MYO7B: variants seen among roughly 807,000 people sequenced by gnomAD.
The protein encoded by MYO7B is unconventional myosin-VIIb.
A neutral mutation model predicts 259.7 loss-of-function variants in MYO7B; 212 were observed. That is an observed-to-expected ratio of 0.82 (90% CI 0.73 to 0.91). The LOEUF (loss-of-function observed/expected upper bound fraction) is 0.91. MYO7B is among the 40% of genes least tolerant of loss of function. The pLI is 0.00. For synonymous variants in MYO7B, 1,197 were observed against 1,166.4 expected (o/e 1.03, Z -0.54); for missense variants, 2,732 against 2,813.5 (o/e 0.97, Z 0.66).
intron 1 of MYO7B, among the ~76,000 whole-genome samples, chr2:127,557,731 C>T (rs926975760): frequency 2.0e-4 from 30 of 152,038 alleles, no homozygotes; most frequent in African/African-American, 5.3e-4. Flanking sequence ...CAAACAAAAA[C>T]GTAAAGTGGG....
rs766520693 is a variant in MYO7B, at chr2:127,613,592, G to A, written c.3398+989G>A. On this transcript the variant is annotated intron_variant, in intron 26 of 47. Transcript: ENST00000409816. The surrounding 1 kb of genome is among the most constrained non-coding windows in gnomAD (Gnocchi z 4.3). ...AACTGTCTTTTCTCTTGAGGATGGT[G>A]GTGTGTTTGTTTGCTCATATATCTG... Among the ~76,000 whole-genome samples, 1 of 152,130 alleles carries A rather than the reference G, an allele frequency of 6.6e-6. No homozygotes were observed. Among genetic ancestry groups the A allele is most frequent in the Non-Finnish European group, 1.5e-5 (1 of 68,036 alleles).
intron 14 of MYO7B, among the ~76,000 whole-genome samples, chr2:127,587,915 T>C (rs1679364459): frequency 6.6e-6 from 1 of 152,176 alleles, no homozygotes; most frequent in South Asian, 2.1e-4. Context: ...TTAGGGCCCA[T>C]CCTAATGACC....
In MYO7B at chr2:127,607,382, G is replaced by A. The variant is rs1239519140; in HGVS notation, c.2601G>A (p.Arg867=). The A allele has an allele frequency of 1.9e-6, 3 of 1,551,326 alleles. No homozygotes were observed. The highest frequency in any genetic ancestry group is 1.2e-5 in the South Asian group (1 of 84,054). Residue 867 remains arginine, a synonymous_variant, in exon 21 of 48, where the codon AGG becomes AGA. Transcript: ENST00000409816. The surrounding 1 kb of genome is among the most constrained non-coding windows in gnomAD (Gnocchi z 4.4). The part of the protein sequence containing the change: ...RAVVVIQAHA[R]GMAARRNFQQ... ...TGGTGGTCATTCAGGCCCATGCCAGGGGCATGGCTGCCCGGCGCAACTTCC... is the reference window on the plus strand; with the variant it reads ...TGGTGGTCATTCAGGCCCATGCCAGAGGCATGGCTGCCCGGCGCAACTTCC...
At chr2:127,626,033 G>A (rs570069970) in intron 31 of MYO7B, 1 of 153,360 alleles carries the variant, frequency 6.5e-6, no homozygotes, top group African/African-American at 2.4e-5. Context: ...CCCAAAGCCA[G>A]TATATGAATA....
At chr2:127,547,509 G>A (rs1393082640) in intron 1 of MYO7B, among the ~76,000 whole-genome samples, 1 of 152,188 alleles carries the variant, frequency 6.6e-6, no homozygotes, top group Non-Finnish European at 1.5e-5. Context: ...GTACCCTGGG[G>A]GGAAGAGGTA....
At chr2:127,555,706 T>G (rs1406338785) in intron 1 of MYO7B, among the ~76,000 whole-genome samples, 4 of 152,200 alleles carry the variant, frequency 2.6e-5, no homozygotes, top group Admixed American at 2.6e-4. Flanking sequence ...TGCATGGTTT[T>G]GGAGGTTCCT....
chr2:127,628,513 C>A lies in MYO7B; in HGVS notation c.4602C>A (p.Ala1534=). 1 of 1,374,484 alleles carries A rather than the reference C, an allele frequency of 7.3e-7. No individual in the cohort carries two copies. Among genetic ancestry groups the A allele is most frequent in the Non-Finnish European group, 9.5e-7 (1 of 1,048,036 alleles). 85.1% of individuals were successfully genotyped at this position (1,374,484 alleles called of 1,614,324 possible). Residue 1534 remains alanine, a synonymous_variant, in exon 34 of 48, where the codon GCC becomes GCA. Transcript: ENST00000409816. The surrounding 1 kb of genome is among the most constrained non-coding windows in gnomAD (Gnocchi z 4.8). ...GLKERSIFAM[A]LQDRKATDDT... ...AGGAGAGGTCCATTTTCGCCATGGCCCTGCAGGACAGGAAGGCCACAGGTG... is the reference window on the plus strand; with the variant it reads ...AGGAGAGGTCCATTTTCGCCATGGCACTGCAGGACAGGAAGGCCACAGGTG...
intron 2 of MYO7B, among the ~76,000 whole-genome samples, chr2:127,560,299 G>A (rs1678022439): frequency 6.6e-6 from 1 of 152,110 alleles, no homozygotes; most frequent in Admixed American, 6.5e-5. Flanking sequence ...AGTGCTGGGT[G>A]TGAGCCACCT....
At position 127,585,001 on chromosome 2, in the gene MYO7B, T is replaced by C. The variant is rs1679247280; in HGVS notation, c.1690+88T>C. ...AAAGCAGGCTCAGAGGATGAGGCTA[T>C]TTTGCAGCTCTAGCAATGGGGCAGA... On this transcript the variant is annotated intron_variant, in intron 14 of 47. Coordinates refer to ENST00000409816, the MANE Select transcript of MYO7B (RefSeq NM_001393586.1). The surrounding 1 kb of genome is among the most constrained non-coding windows in gnomAD (Gnocchi z 4.3). The C allele has an allele frequency of 1.3e-6, 2 of 1,539,068 alleles. No individual in the cohort carries two copies. Among genetic ancestry groups the C allele is most frequent in the South Asian group, 2.4e-5 (2 of 81,768 alleles).
intron 3 of MYO7B, among the ~76,000 whole-genome samples, chr2:127,564,990 TACG>T (rs764857824): frequency 1.4e-4 from 21 of 152,252 alleles, no homozygotes; most frequent in Non-Finnish European, 2.6e-4. Context: ...TAGCCCCAGC[TACG>T]CCCTAACCCT....
chr2:127,545,345 A>G (rs866553905), intron 1 of MYO7B, among the ~76,000 whole-genome samples: 68 of 152,346 alleles, frequency 4.5e-4, no homozygotes, highest in African/African-American at 1.6e-3. Context: ...GAGGCCACAC[A>G]CAGCAGCGGG....
In MYO7B at chr2:127,611,994, C is replaced by T. The variant is rs1680403857; in HGVS notation, c.3193-256C>T. On this transcript the variant is annotated intron_variant, in intron 24 of 47. Transcript: ENST00000409816. The surrounding 1 kb of genome is among the most constrained non-coding windows in gnomAD (Gnocchi z 5.4). ...GAGCCCCTCCCTGGGGGCTGGTGACCCACTGAGCAGCTTTTGTCTAGTCTC... is the reference window on the plus strand; with the variant it reads ...GAGCCCCTCCCTGGGGGCTGGTGACTCACTGAGCAGCTTTTGTCTAGTCTC... Among the ~76,000 whole-genome samples, 1 of 152,136 alleles carries T rather than the reference C, an allele frequency of 6.6e-6. No individual in the cohort carries two copies. Among genetic ancestry groups the T allele is most frequent in the Admixed American group, 6.5e-5 (1 of 15,284 alleles).
intron 19 of MYO7B, among the ~76,000 whole-genome samples, 192 bp downstream of exon 19, chr2:127,596,748 G>C (rs1679785482): frequency 6.6e-6 from 1 of 152,228 alleles, no homozygotes; most frequent in Non-Finnish European, 1.5e-5. Flanking sequence ...TTATTGGAAT[G>C]TTTGGAAAAA....
intron 1 of MYO7B, among the ~76,000 whole-genome samples, chr2:127,538,742 T>A (rs568247685): frequency 3.3e-5 from 5 of 152,116 alleles, no homozygotes; most frequent in Admixed American, 1.3e-4. Context: ...ATTTTTGTAT[T>A]TTTGTAGAGA....
chr2:127,632,075 C>T (rs13034190), intron 38 of MYO7B, among the ~76,000 whole-genome samples, 171 bp from the exon 39 acceptor site: 34,307 of 152,270 alleles, frequency 0.23, 3,993 homozygotes, highest in South Asian at 0.33. Flanking sequence ...TGTGAAAGCC[C>T]GTGGCATCGG....
chr2:127,582,744 A>C (rs1679155313), intron 12 of MYO7B, among the ~76,000 whole-genome samples: 1 of 49,220 alleles, frequency 2.0e-5, no homozygotes, highest in Non-Finnish European at 4.1e-5. Flanking sequence ...GTTGAAACAG[A>C]AATCAATAAC....
chr2:127,636,975 C>A lies in MYO7B; in HGVS notation c.6327+62C>A. The A allele has an allele frequency of 1.3e-6, 2 of 1,595,670 alleles. No individual in the cohort carries two copies. The highest frequency in any genetic ancestry group is 1.7e-6 in the Non-Finnish European group (2 of 1,177,196). On this transcript the variant is annotated intron_variant, in intron 47 of 47. Transcript: ENST00000409816. This position sits in a 1 kb window ranked among gnomAD's most constrained non-coding sequence, Gnocchi z 4.5. Reference sequence around the variant, plus strand: ...GGACAGAGCTGCTGGAGACTGGGTTCCCCACCCTCACCCCTTTCAAGTGGC... The same window carrying A: ...GGACAGAGCTGCTGGAGACTGGGTTACCCACCCTCACCCCTTTCAAGTGGC...
rs560050578 is a variant in MYO7B, at chr2:127,625,002, G to A, written c.4048-366G>A. 1.1e-3 allele frequency among the ~76,000 whole-genome samples: 166 copies of A among 152,296 alleles called. 7 individuals are homozygous for A. The South Asian group carries it at 0.031, about 28-fold the overall frequency. ...AGAGGGAAGGGGCTCCTTGGGTGCT[G>A]CCCAGCTGGGCCCCAGCAGAAACTC... On this transcript the variant is annotated intron_variant, in intron 30 of 47. Coordinates refer to ENST00000409816, the MANE Select transcript of MYO7B (RefSeq NM_001393586.1).
intron 19 of MYO7B, among the ~76,000 whole-genome samples, chr2:127,600,400 T>C (rs561966088): frequency 2.4e-4 from 37 of 152,296 alleles, no homozygotes; most frequent in Admixed American, 9.2e-4. Context: ...TGGTCAGTCT[T>C]GCTAAAGATT....
Sources: gnomAD v4.1 joint callset for allele counts (sites outside exome capture counted in the v4.1 genomes callset) on GRCh38, gnomAD v4.1.1 for gene constraint, Gnocchi (gnomAD v3.1) non-coding constraint, MANE v1.5 for transcripts, NCBI Gene and HGNC (gene_info 2026-07-23, HGNC 2026-07-21) for gene names.